ADGRV1: variants seen among roughly 807,000 people sequenced by gnomAD.
ADGRV1 encodes the protein G-protein coupled receptor 98.
ADGRV1 carries 359 observed loss-of-function variants against 596.2 expected under a neutral mutation model. The observed-to-expected ratio is 0.60, with a 90% confidence interval of 0.55 to 0.66. The LOEUF is 0.66. ADGRV1 is among the 30% of genes least tolerant of loss of function. The pLI is 0.00. For missense variants in ADGRV1, 7,274 were observed against 7,575.6 expected, an observed-to-expected ratio of 0.96 and a Z score of 1.48; for synonymous variants, 2,681 against 2,679.2, an observed-to-expected ratio of 1.00 and a Z score of -0.02.
intron 77 of ADGRV1, among the ~76,000 whole-genome samples, chr5:90,837,102 A>C (rs894418552): frequency 6.6e-6 from 1 of 152,260 alleles, no homozygotes; most frequent in Middle Eastern, 3.2e-3. Flanking sequence ...TAGCCTTAGC[A>C]TCTGTGGCTT....
chr5:90,772,224 G>A (rs781236034), intron 59 of ADGRV1, among the ~76,000 whole-genome samples: 13 of 152,080 alleles, frequency 8.5e-5, no homozygotes, highest in Admixed American at 7.9e-4. Context: ...CTCCAAAGTC[G>A]ATACTTCTGG....
At chr5:90,607,603 G>A (rs921053483) in intron 1 of ADGRV1, among the ~76,000 whole-genome samples, 2 of 152,076 alleles carry the variant, frequency 1.3e-5, no homozygotes, top group Non-Finnish European at 2.9e-5. Context: ...CCTTTAGGTG[G>A]GAGAATGGAA....
intron 86 of ADGRV1, among the ~76,000 whole-genome samples, chr5:91,086,193 A>G (rs1366628976): frequency 6.6e-6 from 1 of 152,148 alleles, no homozygotes; most frequent in African/African-American, 2.4e-5. Flanking sequence ...TTGCCTTTGC[A>G]TTTTTTATAT....
At chr5:90,860,721 A>AT (rs1767472111) in intron 82 of ADGRV1, among the ~76,000 whole-genome samples, 2 of 145,618 alleles carry the variant, frequency 1.4e-5, no homozygotes, top group African/African-American at 2.6e-5. Context: ...AGGTGGTATA[A>AT]TAAAAAAAAA....
intron 83 of ADGRV1, among the ~76,000 whole-genome samples, chr5:90,939,127 A>G (rs1775960703): frequency 6.6e-6 from 1 of 152,232 alleles, no homozygotes; most frequent in East Asian, 1.9e-4. Flanking sequence ...CACTTCTTCC[A>G]GCTTTGAAAA....
intron 87 of ADGRV1, among the ~76,000 whole-genome samples, chr5:91,148,547 T>C (rs569242193): frequency 1.3e-5 from 2 of 152,216 alleles, no homozygotes; most frequent in East Asian, 1.9e-4. Flanking sequence ...TTTCAGAGGG[T>C]ATATGGAAAT....
In ADGRV1 at chr5:90,617,905, T is replaced by A; in HGVS notation, c.309T>A (p.Asp103Glu). 3.1e-6 allele frequency: 5 copies of A among 1,595,190 alleles called. No individual in the cohort carries two copies. The highest frequency in any genetic ancestry group is 4.3e-6 in the Non-Finnish European group (5 of 1,169,442). The change falls in exon 3 of 90, where the codon GAT becomes GAA. Residue 103 changes from aspartate (D) to glutamate (E), a missense_variant. Asp to Glu is a conservative substitution (Grantham distance 45). This residue lies in a region of ADGRV1 where 1,715 missense variants were observed against 1,708.8 expected (regional missense o/e 1.00). Coordinates refer to ENST00000405460, the MANE Select transcript of ADGRV1 (RefSeq NM_032119.4). The stretch of plus-strand genomic sequence containing the variant: ...CAGTGTACATAGCAGTATGTGATGA[T>A]GACTTACCAGAGCCTGACGAAACTT... ...NRTVYIAVCDDDLPEPDETFI... is the reference protein window; with the variant it reads ...NRTVYIAVCDEDLPEPDETFI...
chr5:90,955,065 G>C (rs1043667010), intron 83 of ADGRV1, among the ~76,000 whole-genome samples: 9 of 152,166 alleles, frequency 5.9e-5, no homozygotes, highest in African/African-American at 2.2e-4. Flanking sequence ...TTCTCTCTCT[G>C]TTCTCTGCCA....
intron 87 of ADGRV1, among the ~76,000 whole-genome samples, chr5:91,116,693 T>C (rs1035792153): frequency 6.6e-6 from 1 of 152,192 alleles, no homozygotes; most frequent in Non-Finnish European, 1.5e-5. Flanking sequence ...AAATGTGAAG[T>C]AGACATAAAA....
At chr5:91,115,622 C>A (rs1315193389) in intron 87 of ADGRV1, among the ~76,000 whole-genome samples, 1 of 152,154 alleles carries the variant, frequency 6.6e-6, no homozygotes, top group East Asian at 1.9e-4. Flanking sequence ...AATGACCACA[C>A]CTATCTCACA....
At chr5:90,824,708 A>G (rs752094577) in intron 76 of ADGRV1, among the ~76,000 whole-genome samples, 3 of 152,188 alleles carry the variant, frequency 2.0e-5, no homozygotes, top group Non-Finnish European at 2.9e-5. Flanking sequence ...ACGTGAAACA[A>G]TGTGCTGTAT....
At chr5:91,062,005 C>A (rs1261482851) in intron 85 of ADGRV1, among the ~76,000 whole-genome samples, 3 of 152,168 alleles carry the variant, frequency 2.0e-5, no homozygotes, top group African/African-American at 7.2e-5. Flanking sequence ...ATACCACAGG[C>A]ATTCCCGTGG....
At position 90,848,761 on chromosome 5, in the gene ADGRV1, T is replaced by C. The variant is rs753150783; in HGVS notation, c.17144T>C (p.Val5715Ala). Residue 5715 changes from valine (V) to alanine (A), a missense_variant, in exon 79 of 90, where the codon GTG becomes GCG. By Grantham distance (64) the Val-to-Ala change is moderately conservative. Transcript: ENST00000405460. ...AGGGGATTCAGTCACTTTGCTGAAG[T>C]GACTGAGAATTTTGCCTTTTCTCTG... Reference protein sequence around the residue: ...DTRGFSHFAEVTENFAFSLLT... With the variant: ...DTRGFSHFAEATENFAFSLLT... 2 of 1,589,664 alleles carry C rather than the reference T, an allele frequency of 1.3e-6. No individual in the cohort carries two copies. Among genetic ancestry groups the C allele is most frequent in the Non-Finnish European group, 1.7e-6 (2 of 1,170,880 alleles).
rs149208754 is a variant in ADGRV1, at chr5:91,095,471, T to G, written c.18311-6748T>G. Among the ~76,000 whole-genome samples the G allele has an allele frequency of 1.8e-3, 280 of 152,300 alleles. 1 individual carries two copies. The highest frequency in any genetic ancestry group is 6.2e-3 in the African/African-American group (257 of 41,564). On this transcript the variant is annotated intron_variant, in intron 86 of 89. Coordinates refer to ENST00000405460, the MANE Select transcript of ADGRV1 (RefSeq NM_032119.4). ...CCATGCACAGTATCCTCATGGTGAT[T>G]TGGCAGTTCTGTGAAATATGTGCCT...
chr5:90,991,356 C>T (rs967874927), intron 85 of ADGRV1, among the ~76,000 whole-genome samples: 3 of 152,192 alleles, frequency 2.0e-5, no homozygotes, highest in Non-Finnish European at 2.9e-5. Flanking sequence ...AGTGAATTCT[C>T]TTATGCCTAA....
chr5:90,977,190 A>C (rs1375317012), intron 84 of ADGRV1, among the ~76,000 whole-genome samples: 1 of 152,216 alleles, frequency 6.6e-6, no homozygotes, highest in East Asian at 1.9e-4. Flanking sequence ...TGACATACCC[A>C]GAAAATACTG....
rs1350162403 is a variant in ADGRV1, at chr5:90,926,115, C to G, written c.17857-39300C>G. Among the ~76,000 whole-genome samples, 3 of 143,082 alleles carry G rather than the reference C, an allele frequency of 2.1e-5. No individual in the cohort carries two copies. The Admixed American group carries it at 2.1e-4, about 10-fold the overall frequency. 93.9% of individuals were successfully genotyped at this position (143,082 alleles called of 152,430 possible). ...TCTCTTTTTTGGTTGTGTCTCTGCC[C>G]GGCTTTGGTATCAGAATGATGCTGG... On this transcript the variant is annotated intron_variant, in intron 83 of 89. Coordinates refer to ENST00000405460, the MANE Select transcript of ADGRV1 (RefSeq NM_032119.4).
intron 79 of ADGRV1, among the ~76,000 whole-genome samples, chr5:90,851,134 T>TGTGTGTGTGTGTGTGAGAGA (rs757909771): frequency 4.3e-4 from 35 of 81,496 alleles, no homozygotes; most frequent in Non-Finnish European, 7.9e-4. Context: ...TGTGTGTGTG[T>TGTGTGTGTGTGTGTGAGAGA]GAGAGAGAGA....
chr5:91,013,072 G>A (rs1782855054), intron 85 of ADGRV1, among the ~76,000 whole-genome samples: 1 of 152,014 alleles, frequency 6.6e-6, no homozygotes, highest in South Asian at 2.1e-4. Context: ...TCTTTTTTAT[G>A]GCTATATAGT....
Sources: gnomAD v4.1 joint callset for allele counts (sites outside exome capture counted in the v4.1 genomes callset) on GRCh38, gnomAD v4.1.1 for gene constraint, gnomAD v4.1.1 regional missense constraint, MANE v1.5 for transcripts, NCBI Gene and HGNC (gene_info 2026-07-23, HGNC 2026-07-21) for gene names.